OCA2: variants seen among roughly 807,000 people sequenced by gnomAD.
OCA2 encodes the protein OCA2 melanosomal transmembrane protein, also known as P protein.
OCA2 carries 77 observed loss-of-function variants against 100.2 expected under a neutral mutation model. The observed-to-expected ratio is 0.77, with a 90% CI of 0.64 to 0.93. The LOEUF is 0.93. Among genes scored for constraint, OCA2 ranks in the 40% least tolerant of loss-of-function variants. OCA2 has a pLI of 0.00. For missense variants in OCA2, 1,062 were observed against 1,089.1 expected (o/e 0.98, Z 0.35); for synonymous variants, 432 against 439.2 (o/e 0.98, Z 0.21).
At chr15:27,968,972 T>C (rs2040674442) in intron 14 of OCA2, among the ~76,000 whole-genome samples, 1 of 145,724 alleles carries the variant, frequency 6.9e-6, no homozygotes, top group South Asian at 2.2e-4. Context: ...TTTAAATTCT[T>C]CTAAACTCAG....
chr15:27,936,723 GC>G (rs1461338827), intron 18 of OCA2, among the ~76,000 whole-genome samples: 2 of 152,066 alleles, frequency 1.3e-5, no homozygotes, highest in East Asian at 3.9e-4. Flanking sequence ...CTCCAGATCT[GC>G]CCTCTCCCTC....
At chr15:28,074,187 A>T (rs2044353249) in intron 2 of OCA2, among the ~76,000 whole-genome samples, 1 of 152,212 alleles carries the variant, frequency 6.6e-6, no homozygotes, top group African/African-American at 2.4e-5. Context: ...CTTCATAAAG[A>T]TTCAAGATAG....
At chr15:27,900,910 G>A (rs1180508939) in intron 19 of OCA2, among the ~76,000 whole-genome samples, 3 of 152,208 alleles carry the variant, frequency 2.0e-5, no homozygotes, top group South Asian at 2.1e-4. Context: ...TAAAAACCAC[G>A]TATCTGAAGT....
chr15:27,739,366 C>T, the OCA2 span, among the ~76,000 whole-genome samples: 1 of 151,664 alleles, frequency 6.6e-6, no homozygotes, highest in African/African-American at 2.4e-5. Flanking sequence ...TTAAGTTGTT[C>T]CTTGGAGAAG....
intron 18 of OCA2, among the ~76,000 whole-genome samples, chr15:27,929,583 T>C (rs1183793004): frequency 6.6e-6 from 1 of 152,116 alleles, no homozygotes; most frequent in Non-Finnish European, 1.5e-5. Context: ...TTAAAGGTTT[T>C]CTTAGACATA....
intron 2 of OCA2, among the ~76,000 whole-genome samples, chr15:28,074,267 G>A (rs560942110): frequency 4.6e-5 from 7 of 152,256 alleles, no homozygotes; most frequent in South Asian, 2.1e-4. Context: ...GGCCAGGCAC[G>A]GTAGCTCACG....
intron 19 of OCA2, among the ~76,000 whole-genome samples, chr15:27,910,347 C>A (rs2038340620): frequency 6.6e-6 from 1 of 152,036 alleles, no homozygotes; most frequent in Non-Finnish European, 1.5e-5. Context: ...AGAAATATAC[C>A]CTGAAGGTAC....
intron 23 of OCA2, among the ~76,000 whole-genome samples, chr15:27,767,053 A>G (rs943134609): frequency 5.3e-5 from 8 of 151,696 alleles, no homozygotes; most frequent in Non-Finnish European, 1.0e-4. Context: ...GTTGGGCTAC[A>G]TGGCTTCTCC....
intron 19 of OCA2, among the ~76,000 whole-genome samples, chr15:27,876,226 T>A (rs985894379): frequency 1.3e-5 from 2 of 152,134 alleles, no homozygotes; most frequent in African/African-American, 4.8e-5. Context: ...GAAATGATCA[T>A]ATGGTTTTTC....
chr15:27,737,947 AC>A, the OCA2 span, among the ~76,000 whole-genome samples: 1 of 152,220 alleles, frequency 6.6e-6, no homozygotes, highest in Non-Finnish European at 1.5e-5. Flanking sequence ...AGAAAAATGC[AC>A]ATCGAAACTG....
chr15:27,962,526 G>A (rs1475384532), intron 15 of OCA2, among the ~76,000 whole-genome samples: 1 of 152,178 alleles, frequency 6.6e-6, no homozygotes, highest in Non-Finnish European at 1.5e-5. Context: ...GGGAATCTCA[G>A]GAGAAGAAGC....
At chr15:27,893,288 C>T (rs539622610) in intron 19 of OCA2, among the ~76,000 whole-genome samples, 4 of 152,278 alleles carry the variant, frequency 2.6e-5, no homozygotes, top group Non-Finnish European at 5.9e-5. Flanking sequence ...TGAGGATGTA[C>T]GTCACCTCAG....
chr15:27,942,235 T>C (rs1026330940), intron 18 of OCA2, among the ~76,000 whole-genome samples: 1 of 148,492 alleles, frequency 6.7e-6, no homozygotes, highest in Non-Finnish European at 1.5e-5. Context: ...TTATATATGA[T>C]ATACATACGA....
chr15:27,757,499 G>C (rs181640405), intron 23 of OCA2, among the ~76,000 whole-genome samples: 1 of 152,180 alleles, frequency 6.6e-6, no homozygotes, highest in Non-Finnish European at 1.5e-5. Flanking sequence ...AGGCAGAGAT[G>C]GTGTCTTGGA....
At chr15:27,779,325 GC>G (rs1177650834) in intron 23 of OCA2, among the ~76,000 whole-genome samples, 2 of 152,172 alleles carry the variant, frequency 1.3e-5, no homozygotes, top group African/African-American at 4.8e-5. Flanking sequence ...TGGATTTTCT[GC>G]CTGGATGTTC....
chr15:28,081,809 C>T lies in OCA2; in HGVS notation c.66G>A (p.Thr22=), dbSNP rs1430442346. ...PGAPAVELLQ[T]SVPSGLAELV... ...GTTCAGCGAGTCCGCTGGGCACGGA[C>T]GTCTGCAGGAGCTCCACCGCCGGCG... Residue 22 remains threonine (T), a synonymous_variant, in exon 2 of 24, where the codon ACG becomes ACA. Coordinates refer to ENST00000354638, the MANE Select transcript of OCA2 (RefSeq NM_000275.3). The T allele has an allele frequency of 3.7e-6, 6 of 1,612,476 alleles. No individual in the cohort carries two copies. Among genetic ancestry groups the T allele is most frequent in the Non-Finnish European group, 4.2e-6 (5 of 1,179,822 alleles).
chr15:27,967,680 G>A (rs926803317), intron 14 of OCA2, among the ~76,000 whole-genome samples: 2 of 152,240 alleles, frequency 1.3e-5, no homozygotes, highest in African/African-American at 2.4e-5. Flanking sequence ...GGGACCAGCC[G>A]CAGGGACTCA....
chr15:28,083,435 G>A (rs374561230), intron 1 of OCA2, among the ~76,000 whole-genome samples: 4 of 152,328 alleles, frequency 2.6e-5, no homozygotes, highest in South Asian at 2.1e-4. Flanking sequence ...CCAGTGAGCC[G>A]AAGGCAGGCC....
At chr15:28,088,020 C>G (rs2044807643) in intron 1 of OCA2, among the ~76,000 whole-genome samples, 1 of 151,842 alleles carries the variant, frequency 6.6e-6, no homozygotes, top group South Asian at 2.1e-4. Flanking sequence ...TGAGACTGCA[C>G]CATTGCACTC....
Sources: allele counts gnomAD v4.1 joint callset (sites outside exome capture counted in the v4.1 genomes callset), GRCh38; gene constraint gnomAD v4.1.1; transcripts MANE v1.5; gene names NCBI Gene and HGNC (gene_info 2026-07-23, HGNC 2026-07-21).